ANKRD17: variants seen among roughly 807,000 people sequenced by gnomAD.
The protein encoded by ANKRD17 is ankyrin repeat domain-containing protein 17.
ANKRD17 carries 19 observed loss-of-function variants against 229.7 expected under a neutral mutation model. The ratio of observed to expected loss-of-function variants is 0.08; its 90% CI spans 0.06 to 0.12. The LOEUF (loss-of-function observed/expected upper bound fraction) is 0.12, where lower values mean the gene tolerates loss of function less well. Ranked by LOEUF, ANKRD17 falls within the 10% of genes least tolerant of loss-of-function variation. The probability of loss-of-function intolerance (pLI) is 1.00; values close to 1 mark genes in which losing one functional copy is unlikely to be tolerated. For synonymous variants in ANKRD17, 1,112 were observed against 1,146.1 expected (o/e 0.97, Z 0.60); for missense variants, 2,176 against 3,176.8 (o/e 0.68, Z 7.57).
chr4:73,195,755 C>T (rs1043528748), intron 1 of ANKRD17, among the ~76,000 whole-genome samples: 2 of 152,172 alleles, frequency 1.3e-5, no homozygotes, highest in East Asian at 1.9e-4. Context: ...GATCTGCCCA[C>T]CTTGGCCTCC....
chr4:73,090,845 G>A lies in ANKRD17; in HGVS notation c.6783C>T (p.Ser2261=), dbSNP rs990179451. The A allele has an allele frequency of 1.2e-6, 2 of 1,614,246 alleles. No individual in the cohort carries two copies. Among genetic ancestry groups the A allele is most frequent in the African/African-American group, 1.3e-5 (1 of 75,070 alleles). The change falls in exon 29 of 34, where the codon AGC becomes AGT. Residue 2261 remains serine, a synonymous_variant. Transcript: ENST00000358602. ...FGPFSTLFEN[S]PTSAHAFWGG... Reference sequence around the variant, plus strand: ...CCCAGAAGGCATGAGCAGAAGTAGGGCTGTTTTCAAACAATGTGCTAAAGG... The same window carrying A: ...CCCAGAAGGCATGAGCAGAAGTAGGACTGTTTTCAAACAATGTGCTAAAGG...
At chr4:73,183,295 G>A (rs984145598) in intron 1 of ANKRD17, among the ~76,000 whole-genome samples, 1 of 152,074 alleles carries the variant, frequency 6.6e-6, no homozygotes, top group Non-Finnish European at 1.5e-5. Context: ...GAATTACTTT[G>A]GTTATGTAAG....
At chr4:73,149,539 C>T (rs1023498857) in intron 7 of ANKRD17, among the ~76,000 whole-genome samples, 5 of 152,072 alleles carry the variant, frequency 3.3e-5, no homozygotes, top group Non-Finnish European at 5.9e-5. Flanking sequence ...GTACATGGTA[C>T]TTTCTATATT....
chr4:73,142,434 A>G (rs1400615831), intron 12 of ANKRD17, 49 bp from the exon 13 acceptor site: 3 of 1,581,292 alleles, frequency 1.9e-6, no homozygotes, highest in African/African-American at 2.8e-5. Context: ...AAAATAAGTT[A>G]GTTTACAGAA....
At chr4:73,116,063 T>C (rs947877018) in intron 22 of ANKRD17, 147 bp from the exon 23 acceptor site, 1 of 655,512 alleles carries the variant, frequency 1.5e-6, no homozygotes, top group Non-Finnish European at 2.6e-6. Context: ...AGAGACAGGC[T>C]TTGGTTCCAG....
chr4:73,204,063 A>G (rs959407582), intron 1 of ANKRD17, among the ~76,000 whole-genome samples: 6 of 152,076 alleles, frequency 3.9e-5, no homozygotes, highest in African/African-American at 1.2e-4. Flanking sequence ...AAAGTGCTAA[A>G]AGATAAACAA....
chr4:73,105,534 C>CCTCACAAAAGTGGTGGGCATCAATAA, intron 24 of ANKRD17, among the ~76,000 whole-genome samples: 1 of 151,966 alleles, frequency 6.6e-6, no homozygotes, highest in Middle Eastern at 3.4e-3. Context: ...CACTGGTAAA[C>CCTCACAAAAGTGGTGGGCATCAATAA]CTCACAAAAG....
intron 29 of ANKRD17, among the ~76,000 whole-genome samples, chr4:73,088,136 A>C (rs113338731): frequency 0.019 from 2,929 of 152,266 alleles, 96 homozygotes; most frequent in African/African-American, 0.067. Flanking sequence ...TCAAAATACA[A>C]ACTATAAAAA....
At position 73,085,427 on chromosome 4, in the gene ANKRD17, C is replaced by T. The variant is rs368405820; in HGVS notation, c.6981G>A (p.Ser2327=). 12 of 1,613,350 alleles carry T rather than the reference C, an allele frequency of 7.4e-6. No individual in the cohort carries two copies. Among genetic ancestry groups the T allele is most frequent in the African/African-American group, 6.7e-5 (5 of 74,822 alleles). Residue 2327 remains serine (S), a synonymous_variant, in exon 30 of 34, where the codon TCG becomes TCA. Coordinates refer to ENST00000358602, the MANE Select transcript of ANKRD17 (RefSeq NM_032217.5). ...AAGAAGGTGTTACAGAACCATATGGCGAGTCCATATTGACAATACCTATAA... is the reference window on the plus strand; with the variant it reads ...AAGAAGGTGTTACAGAACCATATGGTGAGTCCATATTGACAATACCTATAA... ...PSPSGIVNMD[S]PYGSVTPSST... is the part of the protein sequence containing the mutation.
At chr4:73,099,031 CA>C (rs1254924353) in intron 25 of ANKRD17, 34 of 991,826 alleles carry the variant, frequency 3.4e-5, no homozygotes, top group Non-Finnish European at 5.1e-5. Flanking sequence ...AGGGAGCTGC[CA>C]AGACCCGGAA....
intron 1 of ANKRD17, among the ~76,000 whole-genome samples, chr4:73,230,742 A>T (rs556993366): frequency 2.6e-4 from 39 of 152,304 alleles, no homozygotes; most frequent in African/African-American, 8.9e-4. Flanking sequence ...TCTTGTCCCA[A>T]CGTAAGTAAT....
chr4:73,247,654 C>G (rs1038898406), intron 1 of ANKRD17, among the ~76,000 whole-genome samples: 1 of 151,900 alleles, frequency 6.6e-6, no homozygotes, highest in African/African-American at 2.4e-5. Flanking sequence ...ATAAAAAGCC[C>G]TATATACTAG....
intron 24 of ANKRD17, among the ~76,000 whole-genome samples, chr4:73,110,043 G>C: frequency 7.2e-6 from 1 of 138,264 alleles, no homozygotes; most frequent in South Asian, 2.4e-4. Context: ...AAAGGTAGAG[G>C]AAAAAAACTA....
At chr4:73,220,039 T>C (rs953244920) in intron 1 of ANKRD17, among the ~76,000 whole-genome samples, 4 of 152,110 alleles carry the variant, frequency 2.6e-5, no homozygotes, top group African/African-American at 9.7e-5. Context: ...AGCCAACATA[T>C]AAACCACAGG....
intron 2 of ANKRD17, among the ~76,000 whole-genome samples, chr4:73,176,301 C>A (rs932660842): frequency 2.1e-4 from 32 of 152,096 alleles, no homozygotes; most frequent in Non-Finnish European, 3.8e-4. Context: ...CAGGCAATGA[C>A]AAATGCTGGA....
intron 10 of ANKRD17, 38 bp downstream of exon 10, chr4:73,146,726 T>C (rs1173950316): frequency 1.5e-6 from 2 of 1,375,410 alleles, no homozygotes; most frequent in Non-Finnish European, 2.0e-6. Flanking sequence ...TAATTTCTTA[T>C]TGTTAAATAT....
At chr4:73,184,300 G>A (rs778237612) in intron 1 of ANKRD17, among the ~76,000 whole-genome samples, 1 of 152,018 alleles carries the variant, frequency 6.6e-6, no homozygotes, top group Admixed American at 6.6e-5. Context: ...AGGCCAAGGC[G>A]GGCAGATCAC....
At chr4:73,224,678 TC>T (rs1742280116) in intron 1 of ANKRD17, among the ~76,000 whole-genome samples, 1 of 152,238 alleles carries the variant, frequency 6.6e-6, no homozygotes, top group Non-Finnish European at 1.5e-5. Context: ...ATATATTAAC[TC>T]ATTTAATTTT....
At position 73,076,992 on chromosome 4, in the gene ANKRD17, T is replaced by C; in HGVS notation, c.7700A>G (p.Asn2567Ser). The C allele has an allele frequency of 6.2e-7, 1 of 1,613,312 alleles. No individual in the cohort carries two copies. The highest frequency in any genetic ancestry group is 8.5e-7 in the Non-Finnish European group (1 of 1,179,684). The change falls in exon 33 of 34, where the codon AAC (asparagine) becomes AGC (serine). Residue 2567 changes from asparagine (N) to serine (S), a missense_variant. By Grantham distance (46) the Asn-to-Ser change is conservative. Transcript: ENST00000358602. ...NGPHAADPSW[N>S]SLIKMVSSST... ...GCTGGAAACCATCTTTATCAGTGAGTTCCAAGAAGGGTCTGCAGCATGAGG... is the reference window on the plus strand; with the variant it reads ...GCTGGAAACCATCTTTATCAGTGAGCTCCAAGAAGGGTCTGCAGCATGAGG...
Sources: gnomAD v4.1 joint callset for allele counts (sites outside exome capture counted in the v4.1 genomes callset) on GRCh38, gnomAD v4.1.1 for gene constraint, MANE v1.5 for transcripts, NCBI Gene and HGNC (gene_info 2026-07-23, HGNC 2026-07-21) for gene names.